DGKH: variants seen among roughly 807,000 people sequenced by gnomAD.
The protein encoded by DGKH is diacylglycerol kinase eta.
Under a neutral mutation model 159.3 loss-of-function variants are expected in DGKH, and 90 were observed. That is an observed-to-expected ratio of 0.57 (90% CI 0.48 to 0.67). The LOEUF (loss-of-function observed/expected upper bound fraction) is 0.67, where lower values mean the gene tolerates loss of function less well. DGKH is among the 30% of genes least tolerant of loss of function. The pLI is 0.00. For synonymous variants in DGKH, 536 were observed against 553.8 expected (o/e 0.97, Z 0.45); for missense variants, 1,181 against 1,506.1 (o/e 0.78, Z 3.57).
At chr13:42,201,339 C>T (rs1957342540) in intron 20 of DGKH, among the ~76,000 whole-genome samples, 1 of 152,054 alleles carries the variant, frequency 6.6e-6, no homozygotes, top group South Asian at 2.1e-4. Context: ...TTTGTTATCC[C>T]CAGTGTTTAG....
intron 5 of DGKH, among the ~76,000 whole-genome samples, chr13:42,158,521 T>C (rs1956098095): frequency 6.6e-6 from 1 of 152,218 alleles, no homozygotes; most frequent in African/African-American, 2.4e-5. Context: ...TCCATATATG[T>C]GCTGCTTTTT....
downstream of DGKH, among the ~76,000 whole-genome samples, chr13:42,246,806 A>T (rs551318563): frequency 3.9e-5 from 6 of 152,140 alleles, no homozygotes; most frequent in Non-Finnish European, 8.8e-5. Flanking sequence ...AATGAAAGTG[A>T]TCTGAGATCT....
At chr13:42,107,305 T>C (rs1954778764) in intron 1 of DGKH, among the ~76,000 whole-genome samples, 1 of 152,118 alleles carries the variant, frequency 6.6e-6, no homozygotes, top group Non-Finnish European at 1.5e-5. Context: ...AAGATGAGTG[T>C]TTTGTTTGGC....
At chr13:42,186,017 GTGTGTGTGT>G (rs1956916376) in intron 13 of DGKH, among the ~76,000 whole-genome samples, 1 of 88,498 alleles carries the variant, frequency 1.1e-5, no homozygotes, top group Non-Finnish European at 2.7e-5. Context: ...GGTGGTGTGT[GTGTGTGTGT>G]GTGTGTGTGT....
At chr13:42,146,305 C>CTTTTAGATAA (rs1955731153) in intron 3 of DGKH, among the ~76,000 whole-genome samples, 2 of 152,022 alleles carry the variant, frequency 1.3e-5, no homozygotes, top group Admixed American at 6.6e-5. Context: ...AAGGCGTTTA[C>CTTTTAGATAA]CTGAAGTTTA....
chr13:42,239,306 G>A lies in DGKH; in HGVS notation c.*10118G>A, dbSNP rs1280425370. The A allele has an allele frequency of 2.0e-5, 3 of 152,446 alleles. No homozygotes were observed. Among genetic ancestry groups the A allele is most frequent in the African/African-American group, 7.2e-5 (3 of 41,414 alleles). 9.4% of individuals were successfully genotyped at this position (152,446 alleles called of 1,614,324 possible). ...TCTTTTGTTTTCTCTCCTTTTACTT[G>A]AAAAGCTTTCAGAAAGCTTTTGAAA... On this transcript the variant is annotated 3_prime_UTR_variant, in exon 30 of 30. Transcript: ENST00000337343.
chr13:42,056,990 G>A (rs1881811741), intron 1 of DGKH, among the ~76,000 whole-genome samples: 1 of 152,102 alleles, frequency 6.6e-6, no homozygotes, highest in Admixed American at 6.6e-5. Flanking sequence ...ACAGATATAT[G>A]ACTGCACATT....
intron 29 of DGKH, among the ~76,000 whole-genome samples, chr13:42,250,699 A>C (rs1958614510): frequency 6.6e-6 from 1 of 152,258 alleles, no homozygotes. Flanking sequence ...AGAAAGTGAC[A>C]ACCAATTAAA....
Position 42,237,946 on chromosome 13 carries a change from C to G in DGKH, c.*8758C>G, listed in dbSNP as rs1458607110. 6.6e-6 allele frequency: 1 copy of G among 152,168 alleles called. No homozygotes were observed. Among genetic ancestry groups the G allele is most frequent in the African/African-American group, 2.4e-5 (1 of 41,456 alleles). 9.4% of individuals were successfully genotyped at this position (152,168 alleles called of 1,614,324 possible). A position where few individuals can be genotyped will look rare whatever the true frequency, so the allele number is the denominator to read the frequency against. On this transcript the variant is annotated 3_prime_UTR_variant, in exon 30 of 30. Coordinates refer to ENST00000337343, the MANE Select transcript of DGKH (RefSeq NM_178009.5). The stretch of plus-strand genomic sequence containing the variant: ...ATGATAATTGCTAAATGGATTTTTT[C>G]CTTTCACTGAAACAACAAAACAATT...
At chr13:42,256,307 G>C (rs2138343295) in exon 31 of DGKH, 1 of 1,595,984 alleles carries the variant, frequency 6.3e-7, no homozygotes, top group East Asian at 2.2e-5. Context: ...AAACTGCGTG[G>C]TGGGAATCCA....
chr13:42,182,682 G>T (rs1356356611), intron 13 of DGKH, among the ~76,000 whole-genome samples: 1 of 152,130 alleles, frequency 6.6e-6, no homozygotes, highest in Non-Finnish European at 1.5e-5. Context: ...TCAGACCATG[G>T]TTGGTTGACT....
intron 1 of DGKH, among the ~76,000 whole-genome samples, chr13:42,075,459 C>G (rs1213164905): frequency 2.0e-5 from 3 of 152,156 alleles, no homozygotes; most frequent in Non-Finnish European, 2.9e-5. Context: ...CTTGGCGCAA[C>G]TTCCACTATC....
chr13:42,168,587 G>C (rs1956365944), intron 10 of DGKH, 39 bp downstream of exon 10: 1 of 1,612,980 alleles, frequency 6.2e-7, no homozygotes, highest in Non-Finnish European at 8.5e-7. Flanking sequence ...TAACATGAAT[G>C]CATACTAACA....
rs77474816 is a variant in DGKH at position 42,219,474 on chromosome 13, T to C, written c.3333+125T>C. The C allele has an allele frequency of 6.9e-4, 987 of 1,420,580 alleles. 3 individuals carry two copies. The African/African-American group carries it at 0.013, about 18-fold the overall frequency. The allele number at this position is 1,420,580 out of a possible 1,614,324, so 88.0% of individuals were successfully genotyped here. On this transcript the variant is annotated intron_variant, in intron 27 of 29. Transcript: ENST00000337343. The stretch of plus-strand genomic sequence containing the variant: ...TGAATACTACTTTCAAATGTTCTGT[T>C]CTTGAACAAATGAGAAAAGGCATTT...
rs1029064105 is a variant in DGKH at position 42,230,200 on chromosome 13, G to A, written c.*1012G>A. On this transcript the variant is annotated 3_prime_UTR_variant, in exon 30 of 30. Transcript: ENST00000337343. ...CTATTTGAATTTATAATATAGTAAA[G>A]TGTTGATATCCAGGAATTCCCTGAG... 1.3e-5 allele frequency: 2 copies of A among 151,880 alleles called. No individual in the cohort carries two copies. Among genetic ancestry groups the A allele is most frequent in the African/African-American group, 4.8e-5 (2 of 41,362 alleles). 9.4% of individuals were successfully genotyped at this position (151,880 alleles called of 1,614,324 possible).
chr13:42,053,194 A>G (rs889778605), intron 1 of DGKH, among the ~76,000 whole-genome samples: 4 of 151,880 alleles, frequency 2.6e-5, no homozygotes, highest in Admixed American at 2.6e-4. Context: ...CCAAAAGAAG[A>G]CCAAAAAACA....
At chr13:42,195,690 G>A (rs2138136206) in intron 17 of DGKH, 1 of 152,178 alleles carries the variant, frequency 6.6e-6, no homozygotes, top group East Asian at 1.9e-4. Flanking sequence ...AATCCTTTTG[G>A]TTTTAAGCCA....
At chr13:42,077,235 T>G (rs1954117560) in intron 1 of DGKH, among the ~76,000 whole-genome samples, 1 of 151,974 alleles carries the variant, frequency 6.6e-6, no homozygotes, top group South Asian at 2.1e-4. Context: ...CTGCCCATAT[T>G]ATGAATTTCA....
At chr13:42,062,678 G>T (rs1882269266) in intron 1 of DGKH, among the ~76,000 whole-genome samples, 2 of 152,200 alleles carry the variant, frequency 1.3e-5, no homozygotes, top group African/African-American at 2.4e-5. Context: ...GTCCTCCCTT[G>T]TGAGGTCAGG....
Sources: allele counts gnomAD v4.1 joint callset (sites outside exome capture counted in the v4.1 genomes callset), GRCh38; gene constraint gnomAD v4.1.1; transcripts MANE v1.5; gene names NCBI Gene and HGNC (gene_info 2026-07-23, HGNC 2026-07-21).